Variants in KLK10 observed in about 807,000 individuals in gnomAD.
The protein encoded by KLK10 is kallikrein related peptidase 10.
A neutral mutation model predicts 25.7 loss-of-function variants in KLK10; 27 were observed. The observed-to-expected ratio is 1.05, with a 90% CI of 0.77 to 1.45. KLK10 has a LOEUF of 1.45. KLK10 is among the 40% of genes most tolerant of loss of function. KLK10 has a pLI of 0.00. For synonymous variants in KLK10, 173 were observed against 160.1 expected (o/e 1.08, Z -0.61); for missense variants, 386 against 370.0 (o/e 1.04, Z -0.35).
rs901709651 is a variant in KLK10, at chr19:51,013,241, C to A, written c.*1559G>T. ...TGCAGGGTGGGGGACCTTGTGATCACCCCTACGTATGTCCCCAGCACCCAG... is the reference window on the plus strand; with the variant it reads ...TGCAGGGTGGGGGACCTTGTGATCAACCCTACGTATGTCCCCAGCACCCAG... On this transcript the variant is annotated 3_prime_UTR_variant, in exon 6 of 6. Coordinates refer to ENST00000358789, the MANE Select transcript of KLK10 (RefSeq NM_145888.3). 1 of 152,118 alleles carries A rather than the reference C, an allele frequency of 6.6e-6. No homozygotes were observed. Among genetic ancestry groups the A allele is most frequent in the Non-Finnish European group, 1.5e-5 (1 of 68,048 alleles). The allele number at this position is 152,118 out of a possible 1,614,324, so 9.4% of individuals were successfully genotyped here.
In KLK10 at chr19:51,014,792, C is replaced by A; in HGVS notation, c.*8G>T. The A allele has an allele frequency of 6.3e-7, 1 of 1,577,270 alleles. No homozygotes were observed. Among genetic ancestry groups the A allele is most frequent in the Non-Finnish European group, 8.7e-7 (1 of 1,153,620 alleles). On this transcript the variant is annotated 3_prime_UTR_variant, in exon 6 of 6. Transcript: ENST00000358789. ...AACATCTGGATCAGCTGGAGCGTAGCATCTGGATCAGTTGGAGCGTATGAC... is the reference window on the plus strand; with the variant it reads ...AACATCTGGATCAGCTGGAGCGTAGAATCTGGATCAGTTGGAGCGTATGAC...
chr19:51,016,474 A>G (rs1248486114), intron 3 of KLK10, among the ~76,000 whole-genome samples: 1 of 149,778 alleles, frequency 6.7e-6, no homozygotes, highest in Non-Finnish European at 1.5e-5. Flanking sequence ...GCTCACTGCA[A>G]CCTCCACCTC....
chr19:51,019,238 A>C lies in KLK10; in HGVS notation c.-9-99T>G. 1 of 787,856 alleles carries C rather than the reference A, an allele frequency of 1.3e-6. No individual in the cohort carries two copies. Among genetic ancestry groups the C allele is most frequent in the Admixed American group, 2.5e-5 (1 of 39,400 alleles). 48.8% of individuals were successfully genotyped at this position (787,856 alleles called of 1,614,324 possible). A position where few individuals can be genotyped will look rare whatever the true frequency, so the allele number is the denominator to read the frequency against. On this transcript the variant is annotated intron_variant, in intron 1 of 5. Coordinates refer to ENST00000358789, the MANE Select transcript of KLK10 (RefSeq NM_145888.3). The surrounding 1 kb of genome is among the most constrained non-coding windows in gnomAD (Gnocchi z 4.2). ...CCCAGCCTGGGCCACCCCAGCCCGC[A>C]AGCACCCTTTTGACCTGCAGCCGAT...
chr19:51,018,921 G>T, intron 2 of KLK10, 122 bp downstream of exon 2: 3 of 749,486 alleles, frequency 4.0e-6, no homozygotes, highest in East Asian at 5.4e-5. Context: ...GCTCCGGAGC[G>T]CTGGGTGGGT....
At chr19:51,017,003 C>T in intron 3 of KLK10, 107 bp downstream of exon 3, 1 of 1,142,862 alleles carries the variant, frequency 8.7e-7, no homozygotes, top group Non-Finnish European at 1.2e-6. Context: ...CACCGGGGAC[C>T]GCACCTCCAG....
chr19:51,017,041 T>C, intron 3 of KLK10, 69 bp downstream of exon 3: 1 of 1,419,808 alleles, frequency 7.0e-7, no homozygotes, highest in South Asian at 1.5e-5. Flanking sequence ...GACCCCGCCC[T>C]GCCCGCTCCT....
In KLK10 at chr19:51,017,090, G is replaced by C. The variant is rs1188820134; in HGVS notation, c.269+20C>G. 2 of 1,562,188 alleles carry C rather than the reference G, an allele frequency of 1.3e-6. No homozygotes were observed. The highest frequency in any genetic ancestry group is 8.7e-7 in the Non-Finnish European group (1 of 1,152,398). On this transcript the variant is annotated intron_variant, in intron 3 of 5. Transcript: ENST00000358789. The stretch of plus-strand genomic sequence containing the variant: ...CTCCACAGCCCCCCGTGGCGTCCTC[G>C]GGGATGGATCTCCTCCTACTTGTTT...
rs1224912048 is a variant in KLK10 at position 51,019,572 on chromosome 19, C to T, written c.-10+55G>A. On this transcript the variant is annotated intron_variant, in intron 1 of 5. Transcript: ENST00000358789. The surrounding 1 kb of genome is among the most constrained non-coding windows in gnomAD (Gnocchi z 4.2). ...GGCTCCTGCCTGTGGCCCGGGGGTC[C>T]CCACCCATCCTCTCGCAATCCACCC... 1 of 156,422 alleles carries T rather than the reference C, an allele frequency of 6.4e-6. No individual in the cohort carries two copies. 9.7% of individuals were successfully genotyped at this position (156,422 alleles called of 1,614,324 possible). A position where few individuals can be genotyped will look rare whatever the true frequency, so the allele number is the denominator to read the frequency against.
Position 51,019,008 on chromosome 19 carries a change from CG to C in KLK10, c.88+34del. On this transcript the variant is annotated intron_variant, in intron 2 of 5. Transcript: ENST00000358789. This position sits in a 1 kb window ranked among gnomAD's most constrained non-coding sequence, Gnocchi z 4.2. ...TTCTCCTCCCGCCCGTGCCTCCCAC[CG>C]GCGCCTCTCCCCGCCCCCTGCCCCC... The C allele has an allele frequency of 6.9e-7, 1 of 1,458,592 alleles. No homozygotes were observed. Among genetic ancestry groups the C allele is most frequent in the Non-Finnish European group, 9.4e-7 (1 of 1,068,294 alleles). 90.4% of individuals were successfully genotyped at this position (1,458,592 alleles called of 1,614,324 possible).
intron 2 of KLK10, among the ~76,000 whole-genome samples, chr19:51,017,587 C>A (rs1302517919): frequency 6.7e-6 from 1 of 148,192 alleles, no homozygotes. Context: ...CGTCGCTGGT[C>A]GATAGAGGGG....
At chr19:51,015,035 G>T in intron 5 of KLK10, 83 bp from the exon 6 acceptor site, 1 of 1,316,148 alleles carries the variant, frequency 7.6e-7, no homozygotes, top group South Asian at 1.3e-5. Flanking sequence ...TGGTGGGGAA[G>T]GAAGGAGTTG....
At chr19:51,016,630 G>C (rs568891393) in intron 3 of KLK10, among the ~76,000 whole-genome samples, 1 of 148,480 alleles carries the variant, frequency 6.7e-6, no homozygotes, top group East Asian at 2.0e-4. Flanking sequence ...TTGAGAAGTG[G>C]TTTCACCATG....
chr19:51,016,599 T>C (rs114135000), intron 3 of KLK10, among the ~76,000 whole-genome samples: 4,984 of 150,726 alleles, frequency 0.033, 243 homozygotes, highest in African/African-American at 0.11. Context: ...TTTTTTATTT[T>C]TTATTTTATT....
At chr19:51,015,668 G>A in intron 4 of KLK10, 118 bp from the exon 5 acceptor site, 1 of 1,276,030 alleles carries the variant, frequency 7.8e-7, no homozygotes, top group Non-Finnish European at 1.1e-6. Context: ...TCAGACTCAA[G>A]AATCCTGGCC....
Position 51,017,154 on chromosome 19 carries a change from C to T in KLK10, c.225G>A (p.Leu75=), listed in dbSNP as rs778388906. The T allele has an allele frequency of 8.7e-6, 14 of 1,611,668 alleles. No homozygotes were observed. Among genetic ancestry groups the T allele is most frequent in the Non-Finnish European group, 1.1e-5 (13 of 1,179,614 alleles). ...NGLSFHCAGV[L]VDQSWVLTAA... The stretch of plus-strand genomic sequence containing the variant: ...CCGTCAGCACCCAACTCTGGTCCAC[C>T]AGGACACCCGCGCAGTGGAACGAGA... The change falls in exon 3 of 6, where the codon CTG becomes CTA. Residue 75 remains leucine (L), a synonymous_variant. Coordinates refer to ENST00000358789, the MANE Select transcript of KLK10 (RefSeq NM_145888.3).
upstream of KLK10, chr19:51,019,950 G>C (rs915439475): frequency 1.3e-5 from 2 of 152,002 alleles, no homozygotes; most frequent in East Asian, 3.9e-4. This position sits in a 1 kb window ranked among gnomAD's most constrained non-coding sequence, Gnocchi z 4.2. Context: ...GGGATTCTCC[G>C]GGTCCCGGTG....
In KLK10 at chr19:51,015,710, A is replaced by C. The variant is rs2091317234; in HGVS notation, c.545-160T>G. 1.0e-5 allele frequency: 11 copies of C among 1,053,124 alleles called. No homozygotes were observed. In the Admixed American group the frequency reaches 2.0e-4, roughly 19 times the overall value. The allele number at this position is 1,053,124 out of a possible 1,614,324, so 65.2% of individuals were successfully genotyped here. On this transcript the variant is annotated intron_variant, in intron 4 of 5. Coordinates refer to ENST00000358789, the MANE Select transcript of KLK10 (RefSeq NM_145888.3). Reference sequence around the variant, plus strand: ...CCTCCCCACTTAGACCCAGGAGTCCAGGCCCCCAGCCCCTCCTCCCCTCAG... The same window carrying C: ...CCTCCCCACTTAGACCCAGGAGTCCCGGCCCCCAGCCCCTCCTCCCCTCAG...
rs751890289 is a variant in KLK10 at position 51,017,093 on chromosome 19, G to T, written c.269+17C>A. On this transcript the variant is annotated intron_variant, in intron 3 of 5. Transcript: ENST00000358789. Reference sequence around the variant, plus strand: ...CACAGCCCCCCGTGGCGTCCTCGGGGATGGATCTCCTCCTACTTGTTTCCG... The same window carrying T: ...CACAGCCCCCCGTGGCGTCCTCGGGTATGGATCTCCTCCTACTTGTTTCCG... 1.9e-6 allele frequency: 3 copies of T among 1,569,674 alleles called. No homozygotes were observed. The South Asian group carries it at 3.5e-5, about 18-fold the overall frequency.
In KLK10 at chr19:51,014,682, A is replaced by G; in HGVS notation, c.*118T>C. 1 of 990,352 alleles carries G rather than the reference A, an allele frequency of 1.0e-6. No homozygotes were observed. The highest frequency in any genetic ancestry group is 1.5e-5 in the South Asian group (1 of 67,158). The allele number at this position is 990,352 out of a possible 1,614,324, so 61.3% of individuals were successfully genotyped here. ...TGTGGAGGGCGGCAGAGGTTTGAAC[A>G]GTGCAGACAAGGGGAGAGTTCAGCC... is the stretch of plus-strand genomic sequence containing the variant. On this transcript the variant is annotated 3_prime_UTR_variant, in exon 6 of 6. Coordinates refer to ENST00000358789, the MANE Select transcript of KLK10 (RefSeq NM_145888.3).
Sources: allele counts gnomAD v4.1 joint callset (sites outside exome capture counted in the v4.1 genomes callset), GRCh38; gene constraint gnomAD v4.1.1; non-coding constraint Gnocchi (gnomAD v3.1); transcripts MANE v1.5; gene names NCBI Gene and HGNC (gene_info 2026-07-23, HGNC 2026-07-21).